DIAPH3: variants seen among roughly 807,000 people sequenced by gnomAD.
DIAPH3 encodes diaphanous related formin 3, also known as protein diaphanous homolog 3.
Under a neutral mutation model 144.3 loss-of-function variants are expected in DIAPH3, and 117 were observed. The observed-to-expected ratio is 0.81, with a 90% CI of 0.70 to 0.95. DIAPH3 has a LOEUF of 0.95. Among genes scored for constraint, DIAPH3 ranks in the 40% least tolerant of loss-of-function variants. DIAPH3 has a pLI of 0.00. For missense variants in DIAPH3, 1,421 were observed against 1,412.7 expected (o/e 1.01, Z -0.09); for synonymous variants, 519 against 488.9 (o/e 1.06, Z -0.81).
intron 5 of DIAPH3, among the ~76,000 whole-genome samples, chr13:60,028,514 C>T (rs963479918): frequency 1.3e-5 from 2 of 152,100 alleles, no homozygotes; most frequent in African/African-American, 2.4e-5. Flanking sequence ...GTTTCTGCCT[C>T]CTCTTCCCTT....
At chr13:59,764,288 A>G (rs2037764169) in intron 27 of DIAPH3, among the ~76,000 whole-genome samples, 1 of 151,680 alleles carries the variant, frequency 6.6e-6, no homozygotes, top group Non-Finnish European at 1.5e-5. Context: ...TAATGGTTAA[A>G]ATTCTGGACT....
intron 17 of DIAPH3, among the ~76,000 whole-genome samples, chr13:59,952,669 C>G (rs1461398404): frequency 6.6e-6 from 1 of 152,104 alleles, no homozygotes; most frequent in African/African-American, 2.4e-5. Context: ...ACCTAATTTA[C>G]AAGAGTCTGC....
chr13:60,069,286 T>G (rs1162862175), intron 4 of DIAPH3, among the ~76,000 whole-genome samples: 1 of 152,224 alleles, frequency 6.6e-6, no homozygotes, highest in Non-Finnish European at 1.5e-5. Flanking sequence ...TGCCTTCTTT[T>G]GAAAAGGGTC....
intron 27 of DIAPH3, among the ~76,000 whole-genome samples, chr13:59,719,588 A>G (rs775831680): frequency 3.3e-5 from 5 of 152,018 alleles, no homozygotes; most frequent in Non-Finnish European, 5.9e-5. Context: ...CTCATGGCCT[A>G]TCTACTAAAG....
At chr13:59,825,204 C>G (rs2041322105) in intron 24 of DIAPH3, among the ~76,000 whole-genome samples, 1 of 151,964 alleles carries the variant, frequency 6.6e-6, no homozygotes, top group Non-Finnish European at 1.5e-5. Flanking sequence ...TACCCCACAA[C>G]AGTCCCCAGA....
At chr13:60,085,774 G>A (rs936724208) in intron 4 of DIAPH3, among the ~76,000 whole-genome samples, 2 of 152,080 alleles carry the variant, frequency 1.3e-5, no homozygotes, top group Non-Finnish European at 2.9e-5. Context: ...ATATACAGAT[G>A]TCACATGCCT....
intron 1 of DIAPH3, among the ~76,000 whole-genome samples, chr13:60,138,877 A>G (rs1408979579): frequency 1.4e-5 from 2 of 147,052 alleles, no homozygotes; most frequent in Non-Finnish European, 3.1e-5. Flanking sequence ...TCTTCTCTTA[A>G]TCATCTTCTC....
At chr13:59,859,197 T>C (rs2043429263) in intron 22 of DIAPH3, among the ~76,000 whole-genome samples, 1 of 152,200 alleles carries the variant, frequency 6.6e-6, no homozygotes, top group Non-Finnish European at 1.5e-5. Context: ...ACTTCAGTGA[T>C]GGCTTTTCTA....
chr13:59,800,853 G>T (rs1767104208), intron 25 of DIAPH3, among the ~76,000 whole-genome samples: 1 of 152,056 alleles, frequency 6.6e-6, no homozygotes, highest in African/African-American at 2.4e-5. Context: ...CAGAGTCACA[G>T]CAAAATGGTA....
chr13:59,729,742 A>G (rs2035791212), intron 27 of DIAPH3, among the ~76,000 whole-genome samples: 1 of 149,208 alleles, frequency 6.7e-6, no homozygotes, highest in African/African-American at 2.5e-5. Flanking sequence ...AGATATTACT[A>G]TTGGGGGAAA....
intron 17 of DIAPH3, among the ~76,000 whole-genome samples, chr13:59,951,741 C>G (rs912791948): frequency 2.6e-5 from 4 of 152,018 alleles, no homozygotes; most frequent in Non-Finnish European, 5.9e-5. Context: ...TTAAAATCAA[C>G]ACCTATAAAA....
At chr13:59,903,603 CTAT>C (rs1375454814) in intron 20 of DIAPH3, among the ~76,000 whole-genome samples, 1 of 146,824 alleles carries the variant, frequency 6.8e-6, no homozygotes, top group Non-Finnish European at 1.5e-5. Flanking sequence ...GGTTTAAGTT[CTAT>C]TCTTTAAAAA....
chr13:60,130,672 A>G (rs1232886827), intron 2 of DIAPH3, among the ~76,000 whole-genome samples: 1 of 152,194 alleles, frequency 6.6e-6, no homozygotes, highest in East Asian at 1.9e-4. Context: ...AATACTCACT[A>G]TGTGCCAGAA....
chr13:59,745,183 A>G (rs911508649), intron 27 of DIAPH3, among the ~76,000 whole-genome samples: 4 of 152,180 alleles, frequency 2.6e-5, no homozygotes, highest in Admixed American at 1.3e-4. Context: ...ATGTTTAACA[A>G]GAGCCAAGCA....
intron 4 of DIAPH3, among the ~76,000 whole-genome samples, chr13:60,043,384 C>A (rs988404742): frequency 6.6e-6 from 1 of 152,148 alleles, no homozygotes; most frequent in South Asian, 2.1e-4. Context: ...TCTAACTTGG[C>A]AGAACAGATC....
chr13:60,014,152 G>A (rs1307373866), intron 7 of DIAPH3, among the ~76,000 whole-genome samples: 2 of 151,966 alleles, frequency 1.3e-5, no homozygotes, highest in African/African-American at 4.8e-5. Context: ...TGATCCAAAT[G>A]TCCCTTTGGT....
intron 20 of DIAPH3, among the ~76,000 whole-genome samples, chr13:59,888,245 C>T (rs1299080955): frequency 6.6e-6 from 1 of 152,070 alleles, no homozygotes; most frequent in African/African-American, 2.4e-5. Context: ...CAGAGAGCTG[C>T]CTTGTCCCTC....
intron 4 of DIAPH3, among the ~76,000 whole-genome samples, chr13:60,047,664 T>C (rs1387729270): frequency 2.0e-5 from 3 of 152,108 alleles, no homozygotes; most frequent in Non-Finnish European, 4.4e-5. Flanking sequence ...AAGCTAAAAC[T>C]ATAAAACATC....
intron 24 of DIAPH3, among the ~76,000 whole-genome samples, chr13:59,814,737 T>A: frequency 6.6e-6 from 1 of 152,228 alleles, no homozygotes; most frequent in East Asian, 1.9e-4. Context: ...TTATATTTAG[T>A]CAGCTGGCAA....
Sources: allele counts gnomAD v4.1 joint callset (sites outside exome capture counted in the v4.1 genomes callset), GRCh38; gene constraint gnomAD v4.1.1; transcripts MANE v1.5; gene names NCBI Gene and HGNC (gene_info 2026-07-23, HGNC 2026-07-21).